The following DMD variants were observed in gnomAD, a reference collection of about 807,000 sequenced individuals.
The protein encoded by DMD is mutant dystrophin.
Under a neutral mutation model 330.1 loss-of-function variants are expected in DMD, and 63 were observed. The ratio of observed to expected loss-of-function variants is 0.19; its 90% CI spans 0.16 to 0.24. The LOEUF (loss-of-function observed/expected upper bound fraction) is 0.24. Among genes scored for constraint, DMD ranks in the 10% least tolerant of loss-of-function variants. The pLI, the probability that DMD is intolerant of heterozygous loss-of-function variation, is 1.00. For missense variants in DMD, 3,344 were observed against 2,684.1 expected (o/e 1.25, Z -5.43); for synonymous variants, 1,223 against 959.8 (o/e 1.27, Z -5.07).
rs188117583 is a variant in DMD, at chrX:33,106,599, G to A, written c.32-86399C>T. Among the ~76,000 whole-genome samples the A allele has an allele frequency of 3.3e-3, 364 of 111,558 alleles. 2 individuals carry two copies. The highest frequency in any genetic ancestry group is 5.2e-3 in the Non-Finnish European group (277 of 53,102). ...TAAAGCCAAAACATAAACATTCACA[G>A]GGCTTCCTGGTGATCTATTTCCTCA... On this transcript the variant is annotated intron_variant, in intron 1 of 78. Coordinates refer to ENST00000357033, the MANE Select transcript of DMD (RefSeq NM_004006.3).
chrX:32,802,888 G>C (rs760813102), intron 7 of DMD, among the ~76,000 whole-genome samples: 4 of 111,761 alleles, frequency 3.6e-5, no homozygotes, highest in Non-Finnish European at 5.6e-5. Context: ...ATTTTATTGA[G>C]CCTTTCACAT....
chrX:31,973,691 TA>T (rs1211147298), intron 44 of DMD, among the ~76,000 whole-genome samples: 1 of 111,577 alleles, frequency 9.0e-6, no homozygotes, highest in African/African-American at 3.3e-5. Context: ...CTTTAATAGT[TA>T]GCATAAAAGT....
chrX:32,392,853 A>G (rs755162220), intron 30 of DMD, among the ~76,000 whole-genome samples: 1 of 112,839 alleles, frequency 8.9e-6, no homozygotes, highest in East Asian at 2.8e-4. Flanking sequence ...TCGAAAGGCC[A>G]TGGATAAGTG....
intron 2 of DMD, among the ~76,000 whole-genome samples, chrX:32,953,575 T>C (rs1344694627): frequency 2.7e-5 from 3 of 111,586 alleles, no homozygotes; most frequent in Non-Finnish European, 5.6e-5. Flanking sequence ...ACATTGCTAG[T>C]CCCCACTTAC....
chrX:32,332,040 A>G (rs2097682788), intron 41 of DMD, among the ~76,000 whole-genome samples: 1 of 111,378 alleles, frequency 9.0e-6, no homozygotes, highest in Non-Finnish European at 1.9e-5. Flanking sequence ...GCTTGTCTTT[A>G]TTTTTCCCTC....
At chrX:32,438,160 T>C in intron 29 of DMD, 81 bp downstream of exon 29, 3 of 1,026,413 alleles carry the variant, frequency 2.9e-6, no homozygotes, top group South Asian at 1.9e-5. Flanking sequence ...TTTAAACTAT[T>C]GCTCATTTTA....
intron 55 of DMD, among the ~76,000 whole-genome samples, chrX:31,581,495 T>C (rs2076338512): frequency 8.9e-6 from 1 of 111,940 alleles, no homozygotes; most frequent in Admixed American, 9.5e-5. Flanking sequence ...CACAGGTTTT[T>C]TTCTATATTG....
chrX:32,332,774 T>C (rs1224824936), intron 41 of DMD, among the ~76,000 whole-genome samples: 2 of 111,366 alleles, frequency 1.8e-5, no homozygotes, highest in Non-Finnish European at 3.8e-5. Context: ...TTAAATATGG[T>C]TTATATTTTT....
At chrX:32,059,087 A>G (rs1374482896) in intron 44 of DMD, among the ~76,000 whole-genome samples, 1 of 111,104 alleles carries the variant, frequency 9.0e-6, no homozygotes, top group Admixed American at 9.6e-5. Context: ...TAAGGGCTGG[A>G]GGAGGGAAGA....
At chrX:31,311,632 G>T (rs1413360851) in intron 62 of DMD, among the ~76,000 whole-genome samples, 2 of 110,797 alleles carry the variant, frequency 1.8e-5, no homozygotes, top group African/African-American at 6.6e-5. Flanking sequence ...GCTATACGGG[G>T]TCTTCTTTGA....
chrX:31,626,864 T>C (rs779402260), intron 55 of DMD, among the ~76,000 whole-genome samples: 1 of 112,046 alleles, frequency 8.9e-6, no homozygotes, highest in African/African-American at 3.2e-5. Context: ...AAATCAATCA[T>C]CTTATTATAA....
intron 4 of DMD, among the ~76,000 whole-genome samples, chrX:32,830,866 A>C (rs1473867436): frequency 1.8e-5 from 2 of 111,100 alleles, no homozygotes; most frequent in Admixed American, 9.6e-5. Context: ...TAGAATATTA[A>C]AATGTGAACT....
At chrX:31,773,724 C>CTT (rs762551529) in intron 51 of DMD, among the ~76,000 whole-genome samples, 745 of 53,485 alleles carry the variant, frequency 0.014, 16 homozygotes, top group African/African-American at 0.033. Context: ...AAGGTTTCTG[C>CTT]TTTTTTTTTT....
chrX:31,143,253 A>T (rs1485616899), intron 76 of DMD, among the ~76,000 whole-genome samples: 6 of 111,002 alleles, frequency 5.4e-5, no homozygotes, highest in Non-Finnish European at 1.1e-4. Flanking sequence ...TGACTGGATC[A>T]TGGCGGCGGT....
At chrX:32,476,761 G>A (rs1355002358) in intron 21 of DMD, among the ~76,000 whole-genome samples, 1 of 111,589 alleles carries the variant, frequency 9.0e-6, no homozygotes, top group Non-Finnish European at 1.9e-5. Context: ...GGCAAACACA[G>A]TATGAGCTGC....
intron 44 of DMD, among the ~76,000 whole-genome samples, chrX:32,008,703 A>C (rs964496141): frequency 1.3e-4 from 14 of 111,776 alleles, no homozygotes; most frequent in African/African-American, 4.6e-4. Flanking sequence ...AGGAGGTAAG[A>C]GGTGGGAGAA....
At chrX:32,101,335 C>T (rs996889683) in intron 44 of DMD, among the ~76,000 whole-genome samples, 8 of 111,046 alleles carry the variant, frequency 7.2e-5, no homozygotes, top group African/African-American at 2.6e-4. Flanking sequence ...TTACCCTAGC[C>T]TCTCTCCAGC....
chrX:32,380,586 G>A lies in DMD; in HGVS notation c.4769C>T (p.Thr1590Ile), dbSNP rs907514288. 8.3e-7 allele frequency: 1 copy of A among 1,209,729 alleles called. No individual in the cohort carries two copies. The change falls in exon 34 of 79, where the codon ACA (threonine) becomes ATA (isoleucine). Residue 1590 changes from threonine to isoleucine, a missense_variant. Transcript: ENST00000357033. ...TGATCTCTTTGTCAATTCCATATCTGTAGCTGCCAGCCATTCTGTCAAGAC... is the reference window on the plus strand; with the variant it reads ...TGATCTCTTTGTCAATTCCATATCTATAGCTGCCAGCCATTCTGTCAAGAC... Reference protein sequence around the residue: ...MNVLTEWLAATDMELTKRSAV... With the variant: ...MNVLTEWLAAIDMELTKRSAV...
At chrX:32,226,920 T>C (rs902647667) in intron 43 of DMD, among the ~76,000 whole-genome samples, 1 of 110,341 alleles carries the variant, frequency 9.1e-6, no homozygotes, top group African/African-American at 3.3e-5. Flanking sequence ...ATTGTTGTTT[T>C]CATTAATAAA....
Sources: allele counts gnomAD v4.1 joint callset (sites outside exome capture counted in the v4.1 genomes callset), GRCh38; gene constraint gnomAD v4.1.1; transcripts MANE v1.5; gene names NCBI Gene and HGNC (gene_info 2026-07-23, HGNC 2026-07-21).